Variants in PCBD2 observed in about 807,000 individuals in gnomAD.
The protein encoded by PCBD2 is pterin-4 alpha-carbinolamine dehydratase 2, also known as pterin-4-alpha-carbinolamine dehydratase 2.
In PCBD2, 12 loss-of-function variants were observed where a neutral mutation model predicts 16.4. The observed-to-expected ratio is 0.73, with a 90% CI of 0.47 to 1.19. The LOEUF (loss-of-function observed/expected upper bound fraction) is 1.19. Ranked by LOEUF, PCBD2 falls within the 50% of genes most tolerant of loss-of-function variation. The pLI, the probability that PCBD2 is intolerant of heterozygous loss-of-function variation, is 0.00. For missense variants in PCBD2, 138 were observed against 156.8 expected (o/e 0.88, Z 0.64); for synonymous variants, 58 against 61.8 (o/e 0.94, Z 0.29).
chr5:134,908,664 CAAAA>C (rs540737382), intron 1 of PCBD2, among the ~76,000 whole-genome samples: 2 of 60,578 alleles, frequency 3.3e-5, no homozygotes. Context: ...GACTTGGTCT[CAAAA>C]AAAAAAAAAA....
At chr5:134,927,604 C>T (rs1334522633) in intron 2 of PCBD2, 14 of 397,854 alleles carry the variant, frequency 3.5e-5, no homozygotes, top group East Asian at 7.1e-5. Flanking sequence ...TATGTACCTG[C>T]GTTCAGGCGT....
At chr5:134,932,207 G>C (rs1751106583) in intron 2 of PCBD2, among the ~76,000 whole-genome samples, 1 of 151,926 alleles carries the variant, frequency 6.6e-6, no homozygotes, top group Non-Finnish European at 1.5e-5. Context: ...TAAGAGATGG[G>C]GTCTCTGTTG....
chr5:134,939,944 T>A (rs968120388), intron 2 of PCBD2, among the ~76,000 whole-genome samples: 11 of 151,796 alleles, frequency 7.2e-5, no homozygotes, highest in South Asian at 2.1e-4. Flanking sequence ...TTTTTTTTTT[T>A]AAATCACCAG....
chr5:134,915,752 C>T (rs1308847163), intron 2 of PCBD2, among the ~76,000 whole-genome samples: 3 of 152,136 alleles, frequency 2.0e-5, no homozygotes, highest in Non-Finnish European at 4.4e-5. Context: ...CACCAGGCCT[C>T]TAATTTTTTA....
intron 2 of PCBD2, among the ~76,000 whole-genome samples, chr5:134,928,847 A>G (rs1342071226): frequency 6.6e-6 from 1 of 152,022 alleles, no homozygotes; most frequent in Non-Finnish European, 1.5e-5. Flanking sequence ...GGAAAGGAGG[A>G]AATAGGTGGC....
At position 134,940,437 on chromosome 5, in the gene PCBD2, T is replaced by A. The variant is rs185528205; in HGVS notation, c.217-18603T>A. Among the ~76,000 whole-genome samples, 673 of 151,626 alleles carry A rather than the reference T, an allele frequency of 4.4e-3. 2 individuals carry two copies. The highest frequency in any genetic ancestry group is 8.4e-3 in the African/African-American group (345 of 41,036). ...TAGTCATGGTGCAGCATATATATTT[T>A]TTTTTTTAATAACCCTGGATGTGCA... On this transcript the variant is annotated intron_variant, in intron 2 of 3. Coordinates refer to ENST00000254908, the MANE Select transcript of PCBD2 (RefSeq NM_032151.5).
intron 2 of PCBD2, among the ~76,000 whole-genome samples, chr5:134,938,280 A>G (rs923504406): frequency 7.2e-5 from 11 of 152,218 alleles, no homozygotes; most frequent in African/African-American, 2.4e-4. Flanking sequence ...TGGTGCCAGA[A>G]GTGAAACCAG....
intron 2 of PCBD2, chr5:134,926,826 GC>G (rs1416607324): frequency 3.5e-5 from 14 of 398,124 alleles, no homozygotes; most frequent in African/African-American, 2.9e-4. Context: ...GGAGTATAGG[GC>G]TGTGATTAGT....
intron 2 of PCBD2, chr5:134,924,417 G>A: frequency 2.5e-6 from 1 of 397,008 alleles, no homozygotes; most frequent in Non-Finnish European, 4.4e-6. Flanking sequence ...GTTGGTGATG[G>A]AAGTAGGATT....
intron 2 of PCBD2, chr5:134,924,344 T>C: frequency 2.5e-6 from 1 of 396,220 alleles, no homozygotes; most frequent in Middle Eastern, 6.4e-4. Flanking sequence ...CAGCGGTGGC[T>C]ATTGAGGAGT....
At chr5:134,906,221 T>TTTTTTTTTTTTTTTG (rs1750687915) in intron 1 of PCBD2, among the ~76,000 whole-genome samples, 1 of 128,640 alleles carries the variant, frequency 7.8e-6, no homozygotes, top group African/African-American at 2.9e-5. Context: ...TTTTTTTTTT[T>TTTTTTTTTTTTTTTG]GAGAAGGAGA....
intron 2 of PCBD2, among the ~76,000 whole-genome samples, chr5:134,931,957 G>C (rs1363258962): frequency 1.3e-5 from 2 of 152,200 alleles, no homozygotes; most frequent in African/African-American, 2.4e-5. Context: ...ATTGATCAAT[G>C]ATCAGTTCTA....
chr5:134,942,969 A>G (rs1751246983), intron 2 of PCBD2, among the ~76,000 whole-genome samples: 1 of 152,224 alleles, frequency 6.6e-6, no homozygotes, highest in African/African-American at 2.4e-5. Context: ...ACTATCATTT[A>G]TTAATTTCCT....
At chr5:134,953,275 A>T (rs1013614396) in intron 2 of PCBD2, among the ~76,000 whole-genome samples, 3 of 150,964 alleles carry the variant, frequency 2.0e-5, no homozygotes, top group Admixed American at 6.6e-5. Flanking sequence ...GTTTTTCTTT[A>T]CTTAACTGGG....
chr5:134,932,700 T>C (rs561500343), intron 2 of PCBD2, among the ~76,000 whole-genome samples: 106 of 151,642 alleles, frequency 7.0e-4, no homozygotes, highest in African/African-American at 2.5e-3. Flanking sequence ...CCCAGGCTGG[T>C]CTTGAATTCC....
chr5:134,919,445 TATAAA>T (rs747703360), intron 2 of PCBD2, among the ~76,000 whole-genome samples: 72 of 152,332 alleles, frequency 4.7e-4, no homozygotes, highest in Non-Finnish European at 8.8e-4. Flanking sequence ...CCATAATTAT[TATAAA>T]ATAAAAAATT....
intron 2 of PCBD2, among the ~76,000 whole-genome samples, chr5:134,952,731 A>C (rs143948635): frequency 1.3e-5 from 2 of 152,198 alleles, no homozygotes; most frequent in African/African-American, 4.8e-5. Context: ...CCGTGAGCCC[A>C]GGAGTTCAAG....
At chr5:134,925,127 C>T (rs886229867) in intron 2 of PCBD2, 75 of 397,360 alleles carry the variant, frequency 1.9e-4, no homozygotes, top group African/African-American at 6.0e-4. Context: ...GGGTTGTTTT[C>T]GTTAATGTTA....
At chr5:134,944,542 A>C (rs371133388) in intron 2 of PCBD2, among the ~76,000 whole-genome samples, 1 of 152,096 alleles carries the variant, frequency 6.6e-6, no homozygotes, top group Non-Finnish European at 1.5e-5. Flanking sequence ...TAAAAAAAAA[A>C]ACACAACAAC....
Sources: allele counts gnomAD v4.1 joint callset (sites outside exome capture counted in the v4.1 genomes callset), GRCh38; gene constraint gnomAD v4.1.1; transcripts MANE v1.5; gene names NCBI Gene and HGNC (gene_info 2026-07-23, HGNC 2026-07-21).